PCDHGB2: variants seen among roughly 807,000 people sequenced by gnomAD.
PCDHGB2 encodes protocadherin gamma-B2.
A neutral mutation model predicts 59.3 loss-of-function variants in PCDHGB2; 55 were observed. The ratio of observed to expected loss-of-function variants is 0.93; its 90% CI spans 0.75 to 1.16. PCDHGB2 has a LOEUF of 1.16. Among genes scored for constraint, PCDHGB2 ranks in the 50% most tolerant of loss-of-function variants. PCDHGB2 has a pLI of 0.00. For synonymous variants in PCDHGB2, 516 were observed against 512.0 expected (o/e 1.01, Z -0.11); for missense variants, 1,228 against 1,198.5 (o/e 1.02, Z -0.36).
chr5:141,437,591 G>T (rs1177672004), intron 1 of PCDHGB2, among the ~76,000 whole-genome samples: 5 of 152,170 alleles, frequency 3.3e-5, no homozygotes, highest in Non-Finnish European at 7.3e-5. Flanking sequence ...GAATTGGATA[G>T]TTCTGGTGTA....
chr5:141,450,893 C>T (rs1306212499), intron 1 of PCDHGB2, among the ~76,000 whole-genome samples: 3 of 149,144 alleles, frequency 2.0e-5, no homozygotes, highest in East Asian at 2.0e-4. Flanking sequence ...GGTGCGATAT[C>T]GGCTCACTGC....
intron 1 of PCDHGB2, chr5:141,399,895 G>A (rs570331620): frequency 6.2e-7 from 1 of 1,612,586 alleles, no homozygotes; most frequent in African/African-American, 1.3e-5. Flanking sequence ...GGTAGTGGCC[G>A]TGGACGCAGA....
In PCDHGB2 at chr5:141,477,157, CA is replaced by C. The variant is rs1240879989; in HGVS notation, c.2422-17648del. 2.5e-6 allele frequency: 4 copies of C among 1,614,064 alleles called. No homozygotes were observed. Among genetic ancestry groups the C allele is most frequent in the Non-Finnish European group, 3.4e-6 (4 of 1,180,046 alleles). ...TGGTGGAGGTTGTGGATGTGAATGACAACGCCCCGGAGATCACAGTCACCTC... is the reference window on the plus strand; with the variant it reads ...TGGTGGAGGTTGTGGATGTGAATGACACGCCCCGGAGATCACAGTCACCTC... On this transcript the variant is annotated intron_variant, in intron 1 of 3. Coordinates refer to ENST00000522605, the MANE Select transcript of PCDHGB2 (RefSeq NM_018923.3). This position sits in a 1 kb window ranked among gnomAD's most constrained non-coding sequence, Gnocchi z 4.9.
intron 1 of PCDHGB2, among the ~76,000 whole-genome samples, chr5:141,369,779 C>G (rs2149951458): frequency 6.6e-6 from 1 of 152,242 alleles, no homozygotes; most frequent in South Asian, 2.1e-4. Flanking sequence ...TATTTCAAGC[C>G]TCTTTATACT....
At chr5:141,407,214 G>C (rs1230787104) in intron 1 of PCDHGB2, among the ~76,000 whole-genome samples, 2 of 152,146 alleles carry the variant, frequency 1.3e-5, no homozygotes, top group South Asian at 2.1e-4. Context: ...TCCCCCTTAA[G>C]TGGGTAGCAA....
chr5:141,374,208 G>T (rs777295061), intron 1 of PCDHGB2: 11 of 1,613,952 alleles, frequency 6.8e-6, no homozygotes, highest in South Asian at 3.3e-5. Flanking sequence ...CTGGAGAAAG[G>T]CTCCTTCGTA....
Position 141,476,782 on chromosome 5 carries a change from A to T in PCDHGB2, c.2422-18025A>T. On this transcript the variant is annotated intron_variant, in intron 1 of 3. Coordinates refer to ENST00000522605, the MANE Select transcript of PCDHGB2 (RefSeq NM_018923.3). The surrounding 1 kb of genome is among the most constrained non-coding windows in gnomAD (Gnocchi z 7.6). ...TGACGGCGTTGGACGGAGGGACCCCAGCTCTCTCCGCCAGCCTGCCTATTC... is the reference window on the plus strand; with the variant it reads ...TGACGGCGTTGGACGGAGGGACCCCTGCTCTCTCCGCCAGCCTGCCTATTC... 6.2e-7 allele frequency: 1 copy of T among 1,613,568 alleles called. No individual in the cohort carries two copies. The highest frequency in any genetic ancestry group is 8.5e-7 in the Non-Finnish European group (1 of 1,179,996).
chr5:141,484,757 T>C (rs2099600412), intron 1 of PCDHGB2, among the ~76,000 whole-genome samples: 1 of 151,626 alleles, frequency 6.6e-6, no homozygotes, highest in East Asian at 1.9e-4. Flanking sequence ...AATGTATATA[T>C]ATATATATGT....
chr5:141,372,729 G>T, intron 1 of PCDHGB2: 1 of 1,613,602 alleles, frequency 6.2e-7, no homozygotes. Context: ...TGCACCACAA[G>T]ATCTTCTATG....
chr5:141,432,991 C>G lies in PCDHGB2; in HGVS notation c.2422-61816C>G, dbSNP rs1269992849. ...CGGCGTCGCACTTTGTGGGCGTGGACGGGGTGCAGGCTTTCCTGCAGACCT... is the reference window on the plus strand; with the variant it reads ...CGGCGTCGCACTTTGTGGGCGTGGAGGGGGTGCAGGCTTTCCTGCAGACCT... On this transcript the variant is annotated intron_variant, in intron 1 of 3. Transcript: ENST00000522605. The surrounding 1 kb of genome is among the most constrained non-coding windows in gnomAD (Gnocchi z 6.0). The G allele has an allele frequency of 6.2e-7, 1 of 1,614,200 alleles. No homozygotes were observed. Among genetic ancestry groups the G allele is most frequent in the Admixed American group, 1.7e-5 (1 of 60,032 alleles).
chr5:141,487,491 C>A lies in PCDHGB2; in HGVS notation c.2422-7316C>A. On this transcript the variant is annotated intron_variant, in intron 1 of 3. Transcript: ENST00000522605. This position sits in a 1 kb window ranked among gnomAD's most constrained non-coding sequence, Gnocchi z 5.0. The stretch of plus-strand genomic sequence containing the variant: ...GTGGGAGGCCACTCTCATGGCTGTA[C>A]ACCCTTGGCTTCTGCACCCACTCGG... The A allele has an allele frequency of 6.2e-7, 1 of 1,614,204 alleles. No individual in the cohort carries two copies. The highest frequency in any genetic ancestry group is 8.5e-7 in the Non-Finnish European group (1 of 1,180,034).
In PCDHGB2 at chr5:141,511,502, A is replaced by G. The variant is rs953158220; in HGVS notation, c.*329A>G. ...CTGAACTCCTCCATCTTCCAAATCAATCAGGCCCATCCATCCCATGCCTCC... is the reference window on the plus strand; with the variant it reads ...CTGAACTCCTCCATCTTCCAAATCAGTCAGGCCCATCCATCCCATGCCTCC... On this transcript the variant is annotated 3_prime_UTR_variant, in exon 4 of 4. Transcript: ENST00000522605. The G allele has an allele frequency of 1.3e-5, 5 of 395,150 alleles. No homozygotes were observed. Among genetic ancestry groups the G allele is most frequent in the African/African-American group, 1.0e-4 (5 of 48,770 alleles). The allele number at this position is 395,150 out of a possible 1,614,324, so 24.5% of individuals were successfully genotyped here.
chr5:141,439,697 A>T (rs2098127217), intron 1 of PCDHGB2, among the ~76,000 whole-genome samples: 1 of 152,218 alleles, frequency 6.6e-6, no homozygotes, highest in Non-Finnish European at 1.5e-5. Flanking sequence ...CAACATTCCT[A>T]TTATGGCTCC....
chr5:141,417,566 C>G, intron 1 of PCDHGB2: 1 of 362,746 alleles, frequency 2.8e-6, no homozygotes. Context: ...AGAGAAAAGT[C>G]AAGTTGCAGT....
At chr5:141,404,910 CT>C (rs1185141572) in intron 1 of PCDHGB2, 10 of 1,613,936 alleles carry the variant, frequency 6.2e-6, no homozygotes, top group Non-Finnish European at 8.5e-6. Flanking sequence ...GGCCAGCCCC[CT>C]CTCTCGGCCA....
chr5:141,360,927 G>A lies in PCDHGB2; in HGVS notation c.792G>A (p.Val264=). 6.2e-7 allele frequency: 1 copy of A among 1,613,984 alleles called. No individual in the cohort carries two copies. Among genetic ancestry groups the A allele is most frequent in the South Asian group, 1.1e-5 (1 of 91,078 alleles). ...CGCCGGGCTTCTTTGTGCTTCAAGTGACAGCCACCGACCGGGATGAAGGCA... is the reference window on the plus strand; with the variant it reads ...CGCCGGGCTTCTTTGTGCTTCAAGTAACAGCCACCGACCGGGATGAAGGCA... ...DVPPGFFVLQ[V]TATDRDEGIN... is the part of the protein sequence containing the mutation. The change falls in exon 1 of 4, where the codon GTG becomes GTA. Residue 264 remains valine (V), a synonymous_variant. Coordinates refer to ENST00000522605, the MANE Select transcript of PCDHGB2 (RefSeq NM_018923.3).
intron 1 of PCDHGB2, chr5:141,383,082 G>A: frequency 1.2e-6 from 2 of 1,613,934 alleles, no homozygotes; most frequent in African/African-American, 2.7e-5. Context: ...AGCTGGCGGA[G>A]CGCGGAGTCC....
chr5:141,421,927 C>T (rs1179128418), intron 1 of PCDHGB2: 2 of 1,613,396 alleles, frequency 1.2e-6, no homozygotes, highest in African/African-American at 2.7e-5. Flanking sequence ...TGTGGTGGTC[C>T]TCGATGTAAA....
At chr5:141,435,180 C>G (rs1341148119) in intron 1 of PCDHGB2, among the ~76,000 whole-genome samples, 1 of 152,074 alleles carries the variant, frequency 6.6e-6, no homozygotes, top group African/African-American at 2.4e-5. Context: ...TTTAACTACA[C>G]TTGAGATGGC....
Sources: gnomAD v4.1 joint callset for allele counts (sites outside exome capture counted in the v4.1 genomes callset) on GRCh38, gnomAD v4.1.1 for gene constraint, Gnocchi (gnomAD v3.1) non-coding constraint, MANE v1.5 for transcripts, NCBI Gene and HGNC (gene_info 2026-07-23, HGNC 2026-07-21) for gene names.